The following SLC25A53 variants were observed in gnomAD, a reference collection of about 807,000 sequenced individuals.
The protein encoded by SLC25A53 is solute carrier family 25 member 53, also known as mitochondrial carrier triple repeat protein 6.
A neutral mutation model predicts 15.0 loss-of-function variants in SLC25A53; 5 were observed. The observed-to-expected ratio is 0.33, with a 90% confidence interval of 0.17 to 0.70. The LOEUF (loss-of-function observed/expected upper bound fraction) is 0.70. Ranked by LOEUF, SLC25A53 falls within the 30% of genes least tolerant of loss-of-function variation. The pLI, the probability that SLC25A53 is intolerant of heterozygous loss-of-function variation, is 0.67. For missense variants in SLC25A53, 216 were observed against 241.6 expected, an observed-to-expected ratio of 0.89 and a Z score of 0.70; for synonymous variants, 95 against 100.0, an observed-to-expected ratio of 0.95 and a Z score of 0.30.
chrX:104,101,113 C>A lies in SLC25A53; in HGVS notation c.*3221G>T, dbSNP rs1237345675. ...AAGGGTCACAGAACTTGGGGAAATACTTAACGTTTACCACTTTATTATAAA... is the reference window on the plus strand; with the variant it reads ...AAGGGTCACAGAACTTGGGGAAATAATTAACGTTTACCACTTTATTATAAA... On this transcript the variant is annotated 3_prime_UTR_variant, in exon 2 of 2. Transcript: ENST00000594199. 8.0e-5 allele frequency: 9 copies of A among 112,024 alleles called. No homozygotes were observed. The highest frequency in any genetic ancestry group is 2.3e-4 in the African/African-American group (7 of 30,769). The allele number at this position is 112,024 out of a possible 1,213,427, so 9.2% of individuals were successfully genotyped here.
chrX:104,117,805 G>T (rs1556361809), intron 1 of SLC25A53, among the ~76,000 whole-genome samples: 1 of 112,020 alleles, frequency 8.9e-6, no homozygotes, highest in Admixed American at 9.5e-5. Context: ...GCTATTGAAT[G>T]ATTTACCTAG....
chrX:104,155,327 T>C (rs1239864950), intron 1 of SLC25A53, among the ~76,000 whole-genome samples: 2 of 110,830 alleles, frequency 1.8e-5, no homozygotes, highest in Admixed American at 9.6e-5. Flanking sequence ...TCTCCAAGTA[T>C]GGCCCCATGT....
intron 1 of SLC25A53, among the ~76,000 whole-genome samples, chrX:104,106,923 C>G (rs782211859): frequency 8.4e-5 from 9 of 107,317 alleles, no homozygotes; most frequent in Non-Finnish European, 1.7e-4. Flanking sequence ...AATCCCATTC[C>G]TATCCCCATT....
chrX:104,152,401 A>G (rs1337822764), intron 1 of SLC25A53, among the ~76,000 whole-genome samples: 2 of 109,440 alleles, frequency 1.8e-5, no homozygotes, highest in Non-Finnish European at 3.8e-5. Flanking sequence ...TACAAAGGAC[A>G]TGAACTCATC....
chrX:104,156,089 A>T (rs2075500268), intron 1 of SLC25A53, among the ~76,000 whole-genome samples: 1 of 110,015 alleles, frequency 9.1e-6, no homozygotes, highest in African/African-American at 3.3e-5. Flanking sequence ...AAAGAAAAAA[A>T]AAAAGAAATA....
chrX:104,153,430 C>G (rs2075491554), intron 1 of SLC25A53, among the ~76,000 whole-genome samples: 1 of 111,207 alleles, frequency 9.0e-6, no homozygotes, highest in South Asian at 3.7e-4. Flanking sequence ...CCATCGTTGA[C>G]CAAAATGCCA....
At chrX:104,109,446 G>A (rs1233240434) in intron 1 of SLC25A53, among the ~76,000 whole-genome samples, 1 of 112,417 alleles carries the variant, frequency 8.9e-6, no homozygotes, top group Non-Finnish European at 1.9e-5. Flanking sequence ...AGTATGGAAA[G>A]TGCTTAGCAC....
At chrX:104,119,150 GA>G (rs782804073) in intron 1 of SLC25A53, among the ~76,000 whole-genome samples, 1 of 111,713 alleles carries the variant, frequency 9.0e-6, no homozygotes, top group South Asian at 3.7e-4. Flanking sequence ...TACCTGATTG[GA>G]AAAAAGGTCA....
At chrX:104,137,400 T>C (rs1456513730) in intron 1 of SLC25A53, among the ~76,000 whole-genome samples, 3 of 110,610 alleles carry the variant, frequency 2.7e-5, no homozygotes, top group Non-Finnish European at 5.7e-5. Flanking sequence ...ACGCTCTGCT[T>C]GATCCCTGCC....
At chrX:104,129,776 T>C (rs1038293793) in intron 1 of SLC25A53, among the ~76,000 whole-genome samples, 60 of 107,035 alleles carry the variant, frequency 5.6e-4, no homozygotes, top group African/African-American at 1.9e-3. Flanking sequence ...TTTATATATA[T>C]AAGAATCAAC....
intron 1 of SLC25A53, among the ~76,000 whole-genome samples, chrX:104,153,262 A>AT (rs199783059): frequency 0.3 from 25,095 of 83,164 alleles, 2,507 homozygotes; most frequent in East Asian, 0.51. Flanking sequence ...ATATATATAT[A>AT]TTTTTTTTTT....
Position 104,105,066 on chromosome X carries a change from C to A in SLC25A53, c.192G>T (p.Glu64Asp). 1.6e-6 allele frequency: 2 copies of A among 1,212,357 alleles called. No homozygotes were observed. Among genetic ancestry groups the A allele is most frequent in the Non-Finnish European group, 2.2e-6 (2 of 895,638 alleles). Reference protein sequence around the residue: ...RQQIHAMAVSEAVRQLWHEGP... With the variant: ...RQQIHAMAVSDAVRQLWHEGP... ...CTTCATGCCAAAGCTGTCTCACAGC[C>A]TCTGACACTGCCATGGCATGGATCT... The change falls in exon 2 of 2, where the codon GAG becomes GAT. Residue 64 changes from glutamate (E) to aspartate (D), a missense_variant. Coordinates refer to ENST00000594199, the MANE Select transcript of SLC25A53 (RefSeq NM_001012755.5).
At chrX:104,111,324 G>A (rs2075341889) in intron 1 of SLC25A53, among the ~76,000 whole-genome samples, 1 of 111,461 alleles carries the variant, frequency 9.0e-6, no homozygotes. Context: ...CTCACACTTT[G>A]GTTAATAGCA....
intron 1 of SLC25A53, among the ~76,000 whole-genome samples, chrX:104,155,783 C>T (rs1285505775): frequency 9.0e-6 from 1 of 111,205 alleles, no homozygotes; most frequent in East Asian, 2.8e-4. Flanking sequence ...GTGGCTCATG[C>T]CTGTAATACC....
chrX:104,131,344 T>A (rs1436742063), intron 1 of SLC25A53: 3 of 111,625 alleles, frequency 2.7e-5, no homozygotes, highest in Non-Finnish European at 5.6e-5. Context: ...CCCACCAGAT[T>A]GAGCAGTAGG....
In SLC25A53 at chrX:104,114,370, A is replaced by G. The variant is rs781931660; in HGVS notation, c.-31-9082T>C. On this transcript the variant is annotated intron_variant, in intron 1 of 1. Coordinates refer to ENST00000594199, the MANE Select transcript of SLC25A53 (RefSeq NM_001012755.5). ...TGAGGAGGAAAAACTCAAGCGCTTGATGAAAACACTTAGGGGCCCTGCCCG... is the reference window on the plus strand; with the variant it reads ...TGAGGAGGAAAAACTCAAGCGCTTGGTGAAAACACTTAGGGGCCCTGCCCG... 332 of 1,210,014 alleles carry G rather than the reference A, an allele frequency of 2.7e-4. No homozygotes were observed. The highest frequency in any genetic ancestry group is 3.5e-4 in the Non-Finnish European group (314 of 895,191).
At position 104,100,563 on chromosome X, in the gene SLC25A53, A is replaced by G. The variant is rs1173379498; in HGVS notation, c.*3771T>C. 2 of 112,074 alleles carry G rather than the reference A, an allele frequency of 1.8e-5. No individual in the cohort carries two copies. The highest frequency in any genetic ancestry group is 3.8e-5 in the Non-Finnish European group (2 of 53,278). The allele number at this position is 112,074 out of a possible 1,213,427, so 9.2% of individuals were successfully genotyped here. On this transcript the variant is annotated 3_prime_UTR_variant, in exon 2 of 2. Coordinates refer to ENST00000594199, the MANE Select transcript of SLC25A53 (RefSeq NM_001012755.5). ...AAGTGGAAAAAGTTGACAGGTCTGT[A>G]TAATTTTACAATATTGCCTAGGATT...
At chrX:104,151,634 T>C (rs968044449) in intron 1 of SLC25A53, among the ~76,000 whole-genome samples, 1 of 111,301 alleles carries the variant, frequency 9.0e-6, no homozygotes, top group Non-Finnish European at 1.9e-5. Flanking sequence ...ACACAGAAAA[T>C]ATGGACTGGG....
rs1482704821 is a variant in SLC25A53 at position 104,105,097 on chromosome X, C to T, written c.161G>A (p.Arg54Gln). The T allele has an allele frequency of 9.1e-6, 11 of 1,210,719 alleles. No individual in the cohort carries two copies. Among genetic ancestry groups the T allele is most frequent in the South Asian group, 5.3e-5 (3 of 56,870 alleles). The change falls in exon 2 of 2, where the codon CGG becomes CAG. Residue 54 changes from arginine (R) to glutamine (Q), a missense_variant. Transcript: ENST00000594199. ...CACTGCCATGGCATGGATCTGTTGC[C>T]GGAACACAACCTTATAGATAGGAAA... ...LTFPIYKVVF[R>Q]QQIHAMAVSE... is the part of the protein sequence containing the mutation.
Sources: gnomAD v4.1 joint callset for allele counts (sites outside exome capture counted in the v4.1 genomes callset) on GRCh38, gnomAD v4.1.1 for gene constraint, MANE v1.5 for transcripts, NCBI Gene and HGNC (gene_info 2026-07-23, HGNC 2026-07-21) for gene names.